SAMMSON: variants seen among roughly 807,000 people sequenced by gnomAD.
SAMMSON encodes survival associated mitochondrial melanoma specific oncogenic non-coding RNA.
At chr3:70,073,573 A>AT (rs1309954624) in intron 4 of SAMMSON, among the ~76,000 whole-genome samples, 1 of 151,752 alleles carries the variant, frequency 6.6e-6, no homozygotes, top group African/African-American at 2.4e-5. Flanking sequence ...GGTTTAGTTG[A>AT]TTTTTCCCCC....
At chr3:70,296,625 C>G (rs555193424) in intron 7 of SAMMSON, among the ~76,000 whole-genome samples, 8 of 152,234 alleles carry the variant, frequency 5.3e-5, no homozygotes, top group Non-Finnish European at 1.2e-4. Context: ...TGGACCTTGT[C>G]CTTGATGTTT....
intron 4 of SAMMSON, among the ~76,000 whole-genome samples, chr3:70,163,517 T>C (rs2067624879): frequency 6.6e-6 from 1 of 151,972 alleles, no homozygotes; most frequent in Admixed American, 6.6e-5. Flanking sequence ...ATTCATGTTA[T>C]TATTGTCATA....
intron 4 of SAMMSON, among the ~76,000 whole-genome samples, chr3:70,191,100 C>T (rs753644827): frequency 1.1e-4 from 17 of 152,064 alleles, no homozygotes; most frequent in African/African-American, 1.9e-4. Flanking sequence ...TTAAATTTTA[C>T]GGGAACTTGA....
downstream of SAMMSON, among the ~76,000 whole-genome samples, chr3:70,390,497 C>A (rs1030388083): frequency 6.6e-6 from 1 of 152,032 alleles, no homozygotes; most frequent in Admixed American, 6.6e-5. Context: ...AAGAAGCTTC[C>A]AATCATGGCA....
intron 2 of SAMMSON, among the ~76,000 whole-genome samples, chr3:70,418,446 C>G (rs1466291091): frequency 1.3e-5 from 2 of 152,182 alleles, no homozygotes; most frequent in Non-Finnish European, 2.9e-5. Flanking sequence ...TCTGGCTCAG[C>G]TTGCTTACTC....
intron 4 of SAMMSON, chr3:70,140,086 T>A (rs1444638272): frequency 6.5e-6 from 1 of 153,398 alleles, no homozygotes; most frequent in Admixed American, 6.6e-5. Flanking sequence ...CAAGAAGCAG[T>A]CAAGAGAAGC....
chr3:70,429,821 C>T (rs1359157017), intron 2 of SAMMSON, among the ~76,000 whole-genome samples: 1 of 152,088 alleles, frequency 6.6e-6, no homozygotes, highest in Non-Finnish European at 1.5e-5. Flanking sequence ...ATTTTTGTAT[C>T]CTGAGACTTT....
At chr3:70,035,732 C>T (rs1044481579) in intron 3 of SAMMSON, among the ~76,000 whole-genome samples, 7 of 152,140 alleles carry the variant, frequency 4.6e-5, no homozygotes, top group African/African-American at 9.6e-5. Flanking sequence ...CTGATGATAG[C>T]GGGAAAGGAA....
Position 70,418,999 on chromosome 3 carries a change from C to CTCTCTCTCTCTCTT in SAMMSON, n.234-43558_234-43557insCTCTCTCTCTTTCT, listed in dbSNP as rs1553664169. On this transcript the variant is annotated intron_variant and non_coding_transcript_variant, in intron 2 of 3. Coordinates refer to the SAMMSON transcript ENST00000641053. ...CTTCCTTCTCTCTCTCTCTCTCTCT[C>CTCTCTCTCTCTCTT]TCTTTCTTTCTTTCTTTCCTTCTTT... 2.2e-3 allele frequency among the ~76,000 whole-genome samples: 263 copies of CTCTCTCTCTCTCTT among 119,300 alleles called. 9 individuals carry two copies. Among genetic ancestry groups the CTCTCTCTCTCTCTT allele is most frequent in the African/African-American group, 7.5e-3 (216 of 28,652 alleles). 78.3% of individuals were successfully genotyped at this position (119,300 alleles called of 152,430 possible).
At chr3:70,050,237 TTC>T (rs2067141236) in intron 3 of SAMMSON, among the ~76,000 whole-genome samples, 1 of 152,170 alleles carries the variant, frequency 6.6e-6, no homozygotes, top group Non-Finnish European at 1.5e-5. Context: ...ATATTTTGCG[TTC>T]TGTGTAAATG....
At chr3:70,304,101 C>A (rs1380700486) in intron 7 of SAMMSON, among the ~76,000 whole-genome samples, 1 of 152,122 alleles carries the variant, frequency 6.6e-6, no homozygotes, top group Non-Finnish European at 1.5e-5. Flanking sequence ...CAACCAGGGT[C>A]TATGAAAGGC....
chr3:70,070,708 G>A (rs1006054749), intron 3 of SAMMSON, among the ~76,000 whole-genome samples: 6 of 151,924 alleles, frequency 3.9e-5, no homozygotes, highest in African/African-American at 1.5e-4. Context: ...TTTACAGATG[G>A]CAGTGATAGG....
chr3:70,210,782 T>TG (rs34472743), intron 4 of SAMMSON, among the ~76,000 whole-genome samples: 1 of 52,766 alleles, frequency 1.9e-5, no homozygotes, highest in African/African-American at 3.3e-5. Context: ...CTATATTTCT[T>TG]GGAAAAAAAT....
intron 4 of SAMMSON, among the ~76,000 whole-genome samples, chr3:70,093,815 G>A (rs1283206371): frequency 1.3e-5 from 2 of 152,118 alleles, no homozygotes; most frequent in African/African-American, 4.8e-5. Context: ...GACGCCTGGA[G>A]CAAAACCATA....
intron 4 of SAMMSON, chr3:70,249,076 T>A (rs1701735245): frequency 6.6e-6 from 1 of 152,200 alleles, no homozygotes; most frequent in African/African-American, 2.4e-5. Flanking sequence ...CAAGTCCTTC[T>A]AACCACAAAG....
chr3:70,290,444 G>C (rs1232704003), intron 6 of SAMMSON, among the ~76,000 whole-genome samples: 1 of 152,198 alleles, frequency 6.6e-6, no homozygotes, highest in Non-Finnish European at 1.5e-5. Context: ...CGTACTGGGA[G>C]AACCACTGCT....
At chr3:70,297,726 T>A (rs1422479714) in intron 7 of SAMMSON, among the ~76,000 whole-genome samples, 1 of 152,042 alleles carries the variant, frequency 6.6e-6, no homozygotes, top group African/African-American at 2.4e-5. Flanking sequence ...TTTCCTTTTG[T>A]GGGGTATGTG....
chr3:70,304,971 G>A (rs892479940), intron 7 of SAMMSON, among the ~76,000 whole-genome samples: 2 of 151,480 alleles, frequency 1.3e-5, no homozygotes, highest in Admixed American at 1.3e-4. Context: ...TGCACAGGCT[G>A]TTCTCTCCAA....
chr3:70,335,155 C>T (rs1702651664), intron 7 of SAMMSON, among the ~76,000 whole-genome samples: 1 of 151,862 alleles, frequency 6.6e-6, no homozygotes, highest in East Asian at 1.9e-4. Context: ...CAGTGCTTGA[C>T]ACATGAGCAG....
Sources: allele counts gnomAD v4.1 joint callset (sites outside exome capture counted in the v4.1 genomes callset), GRCh38; gene constraint gnomAD v4.1.1; transcripts MANE v1.5; gene names NCBI Gene and HGNC (gene_info 2026-07-23, HGNC 2026-07-21).